The following MYO9B variants were observed in gnomAD, a reference collection of about 807,000 sequenced individuals.
MYO9B encodes the protein myosin IXB.
A neutral mutation model predicts 229.5 loss-of-function variants in MYO9B; 71 were observed. That is an observed-to-expected ratio of 0.31 (90% CI 0.26 to 0.38). MYO9B has a LOEUF of 0.38. MYO9B is among the 10% of genes least tolerant of loss of function. The pLI is 1.00. For missense variants in MYO9B, 2,255 were observed against 2,920.5 expected (o/e 0.77, Z 5.25); for synonymous variants, 1,185 against 1,235.8 (o/e 0.96, Z 0.86).
chr19:17,186,724 T>G (rs565043010), intron 18 of MYO9B, among the ~76,000 whole-genome samples: 5 of 151,954 alleles, frequency 3.3e-5, no homozygotes, highest in Non-Finnish European at 7.4e-5. Flanking sequence ...CGTTTGCCTT[T>G]GTTTGTTTTT....
intron 35 of MYO9B, among the ~76,000 whole-genome samples, chr19:17,208,816 C>T (rs543927490): frequency 6.6e-6 from 1 of 152,306 alleles, no homozygotes; most frequent in Admixed American, 6.5e-5. Flanking sequence ...GCAGGTCGCA[C>T]CACAGAGCTC....
At chr19:17,141,012 G>A (rs2072332224) in intron 2 of MYO9B, among the ~76,000 whole-genome samples, 7 of 151,492 alleles carry the variant, frequency 4.6e-5, no homozygotes, top group Admixed American at 3.9e-4. Context: ...GCTGAAGCAC[G>A]AGAATCACTT....
intron 19 of MYO9B, among the ~76,000 whole-genome samples, chr19:17,189,860 G>A (rs1363694247): frequency 6.6e-6 from 1 of 151,564 alleles, no homozygotes; most frequent in East Asian, 1.9e-4. Flanking sequence ...TCAGGAGATC[G>A]AGACCATCCT....
At position 17,206,248 on chromosome 19, in the gene MYO9B, A is replaced by T; in HGVS notation, c.5258A>T (p.Asp1753Val). Residue 1753 changes from aspartate to valine, a missense_variant and splice_region_variant, in exon 33 of 40, where the codon GAC becomes GTC. This residue lies in a region of MYO9B where 416 missense variants were observed against 605.5 expected (regional missense o/e 0.69). Transcript: ENST00000682292. ...CAGACCCACCCCACCCACCCCACAG[A>T]CCCCGCAGCAGTCAAGCTGGAGAAC... ...TRELRQALQT[D>V]PAAVKLENFP... 2 of 527,946 alleles carry T rather than the reference A, an allele frequency of 3.8e-6. No homozygotes were observed. The highest frequency in any genetic ancestry group is 6.3e-6 in the Non-Finnish European group (2 of 315,118). The allele number at this position is 527,946 out of a possible 1,614,324, so 32.7% of individuals were successfully genotyped here. A position where few individuals can be genotyped will look rare whatever the true frequency, so the allele number is the denominator to read the frequency against.
intron 1 of MYO9B, among the ~76,000 whole-genome samples, chr19:17,082,788 C>T (rs1382803008): frequency 2.0e-5 from 3 of 152,060 alleles, no homozygotes; most frequent in Admixed American, 2.0e-4. Context: ...GTTCCTTTCC[C>T]CTGGGTGGTC....
At chr19:17,085,833 C>T (rs539672382) in intron 1 of MYO9B, among the ~76,000 whole-genome samples, 1 of 152,224 alleles carries the variant, frequency 6.6e-6, no homozygotes, top group African/African-American at 2.4e-5. Flanking sequence ...CCGGGCGTGA[C>T]GACAGATGAG....
In MYO9B at chr19:17,172,066, T is replaced by A. The variant is rs769001891; in HGVS notation, c.1794-270T>A. On this transcript the variant is annotated intron_variant, in intron 11 of 39. Coordinates refer to ENST00000682292, the MANE Select transcript of MYO9B (RefSeq NM_004145.4). The surrounding 1 kb of genome is among the most constrained non-coding windows in gnomAD (Gnocchi z 8.2). ...GCAGAGTCCCAGCCCTCCACCAGCG[T>A]GTTCAGCATGAGGCAGGCAGGCACA... 1.3e-5 allele frequency among the ~76,000 whole-genome samples: 2 copies of A among 152,108 alleles called. No individual in the cohort carries two copies. The highest frequency in any genetic ancestry group is 2.9e-5 in the Non-Finnish European group (2 of 68,022).
rs1347958808 is a variant in MYO9B at position 17,184,962 on chromosome 19, C to T, written c.2471C>T (p.Pro824Leu). The change falls in exon 17 of 40, where the codon CCA (proline) becomes CTA (leucine). Residue 824 changes from proline to leucine, a missense_variant. By Grantham distance (98) the Pro-to-Leu change is moderately conservative. Transcript: ENST00000682292. ...CTGCACCTGCACAAGAAGAAAAAGCCACCAAGCATCAGCGCCCAGTTCCAG... is the reference window on the plus strand; with the variant it reads ...CTGCACCTGCACAAGAAGAAAAAGCTACCAAGCATCAGCGCCCAGTTCCAG... The part of the protein sequence containing the change: ...SLLHLHKKKK[P>L]PSISAQFQTS... 1 of 1,613,972 alleles carries T rather than the reference C, an allele frequency of 6.2e-7. No individual in the cohort carries two copies. The highest frequency in any genetic ancestry group is 8.5e-7 in the Non-Finnish European group (1 of 1,179,858).
intron 26 of MYO9B, among the ~76,000 whole-genome samples, chr19:17,201,282 A>G (rs2073103987): frequency 6.7e-6 from 1 of 149,786 alleles, no homozygotes; most frequent in Non-Finnish European, 1.5e-5. Flanking sequence ...TTGATGAAGC[A>G]CTGTGTGCAA....
chr19:17,164,323 A>C (rs931959888), intron 10 of MYO9B, among the ~76,000 whole-genome samples: 1 of 152,066 alleles, frequency 6.6e-6, no homozygotes, highest in Admixed American at 6.6e-5. Flanking sequence ...GTTAGTTGAG[A>C]AACAGGGTTG....
In MYO9B at chr19:17,194,630, G is replaced by A. The variant is rs1216563323; in HGVS notation, c.3203G>A (p.Gly1068Asp). Residue 1068 changes from glycine (G) to aspartate (D), a missense_variant, in exon 22 of 40, where the codon GGT becomes GAT. Coordinates refer to ENST00000682292, the MANE Select transcript of MYO9B (RefSeq NM_004145.4). ...GAAGCCCTGGAAGCCGCAAGAGCAG[G>A]TGCTGAGGAGGGCGGACAGGGTCAG... is the stretch of plus-strand genomic sequence containing the variant. Reference protein sequence around the residue: ...EREALEAARAGAEEGGQGQAA... With the variant: ...EREALEAARADAEEGGQGQAA... The A allele has an allele frequency of 6.2e-7, 1 of 1,612,864 alleles. No individual in the cohort carries two copies. The highest frequency in any genetic ancestry group is 8.5e-7 in the Non-Finnish European group (1 of 1,179,844).
At position 17,172,522 on chromosome 19, in the gene MYO9B, A is replaced by G. The variant is rs1599390084; in HGVS notation, c.1935+45A>G. On this transcript the variant is annotated intron_variant, in intron 12 of 39. Coordinates refer to ENST00000682292, the MANE Select transcript of MYO9B (RefSeq NM_004145.4). This position sits in a 1 kb window ranked among gnomAD's most constrained non-coding sequence, Gnocchi z 8.2. ...CACTGGTGGAAGCCTGAGGGAAGCC[A>G]CAGTCAGCCCAGAAGCCCATGTGGG... is the stretch of plus-strand genomic sequence containing the variant. 3.1e-6 allele frequency: 5 copies of G among 1,606,406 alleles called. No homozygotes were observed. The highest frequency in any genetic ancestry group is 4.2e-6 in the Non-Finnish European group (5 of 1,176,498).
At chr19:17,108,451 G>A (rs2057814350) in intron 2 of MYO9B, among the ~76,000 whole-genome samples, 1 of 152,170 alleles carries the variant, frequency 6.6e-6, no homozygotes, top group African/African-American at 2.4e-5. Context: ...ACATTGAGCA[G>A]CATCCCTGGC....
intron 1 of MYO9B, among the ~76,000 whole-genome samples, chr19:17,084,405 T>A (rs147008459): frequency 2.7e-4 from 41 of 152,162 alleles, no homozygotes; most frequent in African/African-American, 9.6e-4. Context: ...AAGAATCAAT[T>A]TTTTTCCAAA....
chr19:17,124,628 C>T (rs958047380), intron 2 of MYO9B, among the ~76,000 whole-genome samples: 9 of 151,510 alleles, frequency 5.9e-5, no homozygotes, highest in Admixed American at 1.3e-4. Context: ...AAAAATTAGC[C>T]GGGCACCTGT....
chr19:17,155,406 C>A (rs1457789650), intron 6 of MYO9B, among the ~76,000 whole-genome samples: 4 of 152,062 alleles, frequency 2.6e-5, no homozygotes, highest in Non-Finnish European at 4.4e-5. Flanking sequence ...ATTTTGAATT[C>A]TTGGGCTCAA....
At chr19:17,170,327 G>A (rs1411134752) in intron 11 of MYO9B, among the ~76,000 whole-genome samples, 1 of 151,984 alleles carries the variant, frequency 6.6e-6, no homozygotes, top group East Asian at 1.9e-4. Flanking sequence ...TGGTGGTATG[G>A]GGTTAAGATA....
chr19:17,195,576 C>T lies in MYO9B; in HGVS notation c.4046+103C>T, dbSNP rs1299945153. 7.1e-7 allele frequency: 1 copy of T among 1,411,852 alleles called. No individual in the cohort carries two copies. Among genetic ancestry groups the T allele is most frequent in the Non-Finnish European group, 9.6e-7 (1 of 1,046,216 alleles). The allele number at this position is 1,411,852 out of a possible 1,614,324, so 87.5% of individuals were successfully genotyped here. ...CTGGAAACACATGTGTAATCATGCC[C>T]AGTGGGTGTGCGGGAGGCCTGAGGG... On this transcript the variant is annotated intron_variant, in intron 22 of 39. Transcript: ENST00000682292. The surrounding 1 kb of genome is among the most constrained non-coding windows in gnomAD (Gnocchi z 4.5).
intron 1 of MYO9B, among the ~76,000 whole-genome samples, chr19:17,097,746 TGAC>T (rs2057706759): frequency 6.6e-6 from 1 of 151,998 alleles, no homozygotes; most frequent in Non-Finnish European, 1.5e-5. Flanking sequence ...CTAGTGGCCC[TGAC>T]CCCACTCAGT....
Sources: allele counts gnomAD v4.1 joint callset (sites outside exome capture counted in the v4.1 genomes callset), GRCh38; gene constraint gnomAD v4.1.1; regional missense constraint gnomAD v4.1.1; non-coding constraint Gnocchi (gnomAD v3.1); transcripts MANE v1.5; gene names NCBI Gene and HGNC (gene_info 2026-07-23, HGNC 2026-07-21).